Variants in LIN9 observed in about 807,000 individuals in gnomAD.
The protein encoded by LIN9 is lin-9 DREAM MuvB core complex component, also known as protein lin-9 homolog.
A neutral mutation model predicts 78.0 loss-of-function variants in LIN9; 18 were observed. The observed-to-expected ratio is 0.23, with a 90% CI of 0.16 to 0.34. The LOEUF is 0.34. Ranked by LOEUF, LIN9 falls within the 10% of genes least tolerant of loss-of-function variation. LIN9 has a pLI of 1.00. For synonymous variants in LIN9, 192 were observed against 215.2 expected, an observed-to-expected ratio of 0.89 and a Z score of 0.94; for missense variants, 451 against 644.1, an observed-to-expected ratio of 0.70 and a Z score of 3.25.
At chr1:226,295,690 C>T in intron 4 of LIN9, 152 bp downstream of exon 4, 1 of 522,112 alleles carries the variant, frequency 1.9e-6, no homozygotes, top group African/African-American at 2.0e-5. Flanking sequence ...AAAAAAATAA[C>T]ATTTTCTAGG....
upstream of LIN9, chr1:226,309,305 T>G (rs1168160224): frequency 9.7e-7 from 1 of 1,033,616 alleles, no homozygotes; most frequent in Non-Finnish European, 1.2e-6. Context: ...CGCCCGCGCC[T>G]GCCCGGGGAG....
Position 226,294,592 on chromosome 1 carries a change from A to C in LIN9, c.264+1250T>G, listed in dbSNP as rs934068089. On this transcript the variant is annotated intron_variant, in intron 4 of 14. Coordinates refer to ENST00000681046, the MANE Select transcript of LIN9 (RefSeq NM_001366245.2). ...GTCTCAAAAAAAAAAAACAAAAAAA[A>C]AAAAACCTAATGCTAAATTCTTGGT... Among the ~76,000 whole-genome samples the C allele has an allele frequency of 4.6e-5, 7 of 152,168 alleles. No homozygotes were observed. In the East Asian group the frequency reaches 5.8e-4, roughly 13 times the overall value.
At chr1:226,261,736 C>T (rs1452868531) in intron 10 of LIN9, among the ~76,000 whole-genome samples, 1 of 152,064 alleles carries the variant, frequency 6.6e-6, no homozygotes, top group African/African-American at 2.4e-5. Context: ...AGTCAAAATC[C>T]CAGCGAGTTG....
intron 7 of LIN9, among the ~76,000 whole-genome samples, chr1:226,277,419 C>CTACA (rs1482097473): frequency 6.6e-6 from 1 of 152,066 alleles, no homozygotes; most frequent in African/African-American, 2.4e-5. Flanking sequence ...TTGCACAGAG[C>CTACA]TACAGTTTAA....
intron 12 of LIN9, among the ~76,000 whole-genome samples, chr1:226,235,026 T>G (rs1657595634): frequency 6.6e-6 from 1 of 151,502 alleles, no homozygotes; most frequent in Admixed American, 6.6e-5. Context: ...AGTCCTAGAG[T>G]ACACAGTAAG....
chr1:226,277,548 GA>G (rs910655192), intron 7 of LIN9, among the ~76,000 whole-genome samples: 6 of 152,060 alleles, frequency 3.9e-5, no homozygotes, highest in African/African-American at 1.4e-4. Context: ...AGTCACTAAG[GA>G]AAAAAAATAT....
chr1:226,286,545 C>T (rs1369242285), intron 5 of LIN9, 87 bp from the exon 6 acceptor site: 23 of 968,544 alleles, frequency 2.4e-5, no homozygotes, highest in African/African-American at 3.3e-5. Flanking sequence ...TAAACTTTCA[C>T]TTCTACCCCA....
chr1:226,261,111 T>C (rs78527517), intron 10 of LIN9, among the ~76,000 whole-genome samples: 4,326 of 150,904 alleles, frequency 0.029, 191 homozygotes, highest in African/African-American at 0.098. Context: ...CTCAGTAAGC[T>C]AGGAATAGAC....
At chr1:226,297,897 C>T in intron 2 of LIN9, 84 bp from the exon 3 acceptor site, 1 of 550,934 alleles carries the variant, frequency 1.8e-6, no homozygotes, top group Non-Finnish European at 3.1e-6. Context: ...TCATAACAGC[C>T]ATATATCTAA....
chr1:226,304,804 C>T (rs1468160066), intron 1 of LIN9, among the ~76,000 whole-genome samples: 2 of 152,146 alleles, frequency 1.3e-5, no homozygotes, highest in African/African-American at 4.8e-5. Context: ...AAGACAGTAC[C>T]TGCTCTGATG....
chr1:226,276,629 G>A (rs888753598), intron 7 of LIN9, among the ~76,000 whole-genome samples: 8 of 152,114 alleles, frequency 5.3e-5, no homozygotes, highest in Non-Finnish European at 5.9e-5. Flanking sequence ...ATATAAATAT[G>A]TAACTCCAGG....
chr1:226,264,971 T>C (rs1229396471), intron 10 of LIN9, among the ~76,000 whole-genome samples: 1 of 152,234 alleles, frequency 6.6e-6, no homozygotes, highest in Non-Finnish European at 1.5e-5. Flanking sequence ...AAAAAATTTA[T>C]TTAATCTAAT....
At chr1:226,308,567 TG>T (rs532382171) in intron 1 of LIN9, among the ~76,000 whole-genome samples, 71 of 151,044 alleles carry the variant, frequency 4.7e-4, no homozygotes, top group African/African-American at 1.4e-3. Context: ...GACACACCGG[TG>T]GGGGGGTGGG....
At chr1:226,253,098 A>G (rs2102872767) in intron 10 of LIN9, among the ~76,000 whole-genome samples, 2 of 151,864 alleles carry the variant, frequency 1.3e-5, no homozygotes, top group Middle Eastern at 6.8e-3. Context: ...CCCCATCTCT[A>G]TGAAAAAGTA....
In LIN9 at chr1:226,277,792, A is replaced by G; in HGVS notation, c.665T>C (p.Ile222Thr). ...LPDEIPLPLV[I>T]GTKVTARLRG... is the part of the protein sequence containing the mutation. ...TCACTTACCTGTAACTTTCGTTCCA[A>G]TAACCAGAGGCAAAGGAATTTCATC... The change falls in exon 7 of 15, where the codon ATT becomes ACT. Residue 222 changes from isoleucine to threonine, a missense_variant. By Grantham distance (89) the Ile-to-Thr change is moderately conservative (BLOSUM62 -1). Transcript: ENST00000681046. 6.2e-7 allele frequency: 1 copy of G among 1,613,668 alleles called. No individual in the cohort carries two copies.
intron 10 of LIN9, among the ~76,000 whole-genome samples, chr1:226,260,781 A>C (rs1659530681): frequency 6.6e-6 from 1 of 151,670 alleles, no homozygotes; most frequent in Non-Finnish European, 1.5e-5. Context: ...AGTAACTGGG[A>C]CTACAGGCAC....
chr1:226,275,647 T>G (rs1055013666), intron 7 of LIN9, among the ~76,000 whole-genome samples: 32 of 132,186 alleles, frequency 2.4e-4, no homozygotes, highest in Non-Finnish European at 4.6e-4. Context: ...GAGCCGAGAC[T>G]GAGGCACTGC....
Position 226,292,025 on chromosome 1 carries a change from G to A in LIN9, c.264+3817C>T, listed in dbSNP as rs1284466528. Among the ~76,000 whole-genome samples, 6 of 152,106 alleles carry A rather than the reference G, an allele frequency of 3.9e-5. No individual in the cohort carries two copies. In the South Asian group the frequency reaches 1.2e-3, roughly 32 times the overall value. The stretch of plus-strand genomic sequence containing the variant: ...ATAAAATATTCTTATCACAAAAAGT[G>A]TTATTTCTTTCTACTACATTATTGA... On this transcript the variant is annotated intron_variant, in intron 4 of 14. Coordinates refer to ENST00000681046, the MANE Select transcript of LIN9 (RefSeq NM_001366245.2).
At chr1:226,287,941 T>C in intron 4 of LIN9, 144 bp from the exon 5 acceptor site, 2 of 611,422 alleles carry the variant, frequency 3.3e-6, no homozygotes, top group Non-Finnish European at 5.5e-6. Flanking sequence ...CATGGAATTT[T>C]GTTGCTGTTT....
Sources: gnomAD v4.1 joint callset for allele counts (sites outside exome capture counted in the v4.1 genomes callset) on GRCh38, gnomAD v4.1.1 for gene constraint, MANE v1.5 for transcripts, NCBI Gene and HGNC (gene_info 2026-07-23, HGNC 2026-07-21) for gene names.